GFPT1: variants seen among roughly 807,000 people sequenced by gnomAD.
GFPT1 encodes the protein glutamine--fructose-6-phosphate transaminase 1.
A neutral mutation model predicts 92.0 loss-of-function variants in GFPT1; 40 were observed. That is an observed-to-expected ratio of 0.43 (90% CI 0.34 to 0.57). The LOEUF is 0.57. Among genes scored for constraint, GFPT1 ranks in the 20% least tolerant of loss-of-function variants. The pLI is 0.02. For missense variants in GFPT1, 448 were observed against 869.1 expected (o/e 0.52, Z 6.09); for synonymous variants, 269 against 280.6 (o/e 0.96, Z 0.41).
chr2:69,377,573 T>C (rs974997553), intron 1 of GFPT1, among the ~76,000 whole-genome samples: 2 of 151,068 alleles, frequency 1.3e-5, no homozygotes, highest in Non-Finnish European at 2.9e-5. Context: ...GGCACGAGAA[T>C]AGCTTGAACC....
rs1670408110 is a variant in GFPT1 at position 69,321,781 on chromosome 2, GCAAA to G, written c.*4404_*4407del. 3 of 152,286 alleles carry G rather than the reference GCAAA, an allele frequency of 2.0e-5. No homozygotes were observed. Among genetic ancestry groups the G allele is most frequent in the African/African-American group, 4.8e-5 (2 of 41,564 alleles). 9.4% of individuals were successfully genotyped at this position (152,286 alleles called of 1,614,324 possible). A position where few individuals can be genotyped will look rare whatever the true frequency, so the allele number is the denominator to read the frequency against. ...ACAGGATCATTTCTACATTCATTCT[GCAAA>G]CAGTGTAGTAAGAAAGGTAATTTGA... On this transcript the variant is annotated 3_prime_UTR_variant, in exon 20 of 20. Coordinates refer to ENST00000357308, the MANE Select transcript of GFPT1 (RefSeq NM_001244710.2).
Position 69,370,126 on chromosome 2 carries a change from A to T in GFPT1, c.116-18T>A. On this transcript the variant is annotated intron_variant, in intron 2 of 19. Coordinates refer to ENST00000357308, the MANE Select transcript of GFPT1 (RefSeq NM_001244710.2). ...TCCCACACCTAAACCATCATGAGGT[A>T]AAAAAGCAAAATTTAGAAACTGGCT... The T allele has an allele frequency of 6.8e-7, 1 of 1,479,738 alleles. No homozygotes were observed. Among genetic ancestry groups the T allele is most frequent in the Non-Finnish European group, 9.5e-7 (1 of 1,057,450 alleles). 91.7% of individuals were successfully genotyped at this position (1,479,738 alleles called of 1,614,324 possible).
chr2:69,335,228 A>G (rs1053234721), intron 15 of GFPT1, among the ~76,000 whole-genome samples: 2 of 151,980 alleles, frequency 1.3e-5, no homozygotes, highest in Admixed American at 1.3e-4. Flanking sequence ...GCTGGTCTTG[A>G]ACTCTTAGCC....
At chr2:69,377,338 T>C (rs994532021) in intron 1 of GFPT1, among the ~76,000 whole-genome samples, 7 of 151,858 alleles carry the variant, frequency 4.6e-5, no homozygotes, top group Non-Finnish European at 8.8e-5. Flanking sequence ...AATGGCTCAC[T>C]ATATGAATCT....
chr2:69,341,970 T>A (rs1035482916), intron 13 of GFPT1, among the ~76,000 whole-genome samples, 182 bp downstream of exon 13: 1 of 152,212 alleles, frequency 6.6e-6, no homozygotes, highest in African/African-American at 2.4e-5. Flanking sequence ...CTACAGATCT[T>A]CCATGGATAA....
intron 13 of GFPT1, 60 bp downstream of exon 13, chr2:69,342,092 T>C (rs1670967053): frequency 1.1e-6 from 1 of 869,594 alleles, no homozygotes; most frequent in South Asian, 1.4e-5. Context: ...ATTAGACTAC[T>C]ACTTGGTCTA....
intron 13 of GFPT1, among the ~76,000 whole-genome samples, chr2:69,341,420 T>C (rs1031811373): frequency 2.0e-5 from 3 of 152,168 alleles, no homozygotes; most frequent in Non-Finnish European, 4.4e-5. Flanking sequence ...ACTCACTGCT[T>C]AAATAAATGG....
In GFPT1 at chr2:69,342,139, A is replaced by T; in HGVS notation, c.1203+13T>A. The T allele has an allele frequency of 6.7e-7, 1 of 1,488,230 alleles. No homozygotes were observed. The highest frequency in any genetic ancestry group is 1.7e-4 in the Middle Eastern group (1 of 5,768). The allele number at this position is 1,488,230 out of a possible 1,614,324, so 92.2% of individuals were successfully genotyped here. ...TAATATTCAACATAATTAAAATTTT[A>T]AAAAGCACTTACTGCTACACCAGCA... On this transcript the variant is annotated intron_variant, in intron 13 of 19. Transcript: ENST00000357308.
intron 3 of GFPT1, among the ~76,000 whole-genome samples, chr2:69,369,679 A>G (rs545295118): frequency 1.3e-5 from 2 of 152,368 alleles, no homozygotes; most frequent in Non-Finnish European, 2.9e-5. Flanking sequence ...ATCACTAAAA[A>G]TACCTTTTGT....
intron 1 of GFPT1, among the ~76,000 whole-genome samples, chr2:69,385,559 A>G (rs1672111786): frequency 6.6e-6 from 1 of 151,566 alleles, no homozygotes; most frequent in African/African-American, 2.4e-5. Flanking sequence ...TTTTTCAGTA[A>G]GTACTTTGAC....
In GFPT1 at chr2:69,329,756, T is replaced by C. The variant is rs1343054337; in HGVS notation, c.1525A>G (p.Met509Val). 6.2e-7 allele frequency: 1 copy of C among 1,612,838 alleles called. No individual in the cohort carries two copies. Among genetic ancestry groups the C allele is most frequent in the Non-Finnish European group, 8.5e-7 (1 of 1,178,972 alleles). Reference sequence around the variant, plus strand: ...ATGGAGATCCGATCATCACACATCATAAGGGCAAACATCACAAGGGATACA... The same window carrying C: ...ATGGAGATCCGATCATCACACATCACAAGGGCAAACATCACAAGGGATACA... ...QFVSLVMFALMMCDDRISMQE... is the reference protein window; with the variant it reads ...QFVSLVMFALVMCDDRISMQE... The change falls in exon 16 of 20, where the codon ATG becomes GTG. Residue 509 changes from methionine to valine, a missense_variant. By Grantham distance (21) the Met-to-Val change is conservative (BLOSUM62 1). Around this residue, in one of 7 missense-constraint regions of GFPT1, gnomAD observed 73 missense variants for 103.5 expected, o/e 0.71. Coordinates refer to ENST00000357308, the MANE Select transcript of GFPT1 (RefSeq NM_001244710.2).
At chr2:69,342,031 CA>C in intron 13 of GFPT1, 120 bp downstream of exon 13, 1 of 605,898 alleles carries the variant, frequency 1.7e-6, no homozygotes, top group Non-Finnish European at 2.8e-6. Context: ...TTTTTTATCA[CA>C]AAAGGGAAAA....
intron 12 of GFPT1, among the ~76,000 whole-genome samples, chr2:69,343,153 T>C (rs927565963): frequency 2.0e-5 from 3 of 152,220 alleles, no homozygotes; most frequent in Admixed American, 6.5e-5. Context: ...TCCATGTGTC[T>C]TGTCCAGAAA....
At chr2:69,331,313 C>T (rs1670657789) in intron 15 of GFPT1, among the ~76,000 whole-genome samples, 1 of 152,050 alleles carries the variant, frequency 6.6e-6, no homozygotes, top group Non-Finnish European at 1.5e-5. Context: ...TTGTTCCTCA[C>T]CTGTTTTTCA....
intron 3 of GFPT1, among the ~76,000 whole-genome samples, chr2:69,368,381 TA>T (rs948676001): frequency 6.6e-6 from 1 of 150,390 alleles, no homozygotes; most frequent in Non-Finnish European, 1.5e-5. Flanking sequence ...GAGTCCATCT[TA>T]AAAAAAAATT....
intron 13 of GFPT1, among the ~76,000 whole-genome samples, chr2:69,341,192 A>T (rs1468510676): frequency 6.6e-6 from 1 of 151,838 alleles, no homozygotes; most frequent in Non-Finnish European, 1.5e-5. Context: ...GGGTCAACTG[A>T]TCCTCCCACT....
chr2:69,361,023 C>T (rs899993139), intron 4 of GFPT1, among the ~76,000 whole-genome samples: 1 of 152,112 alleles, frequency 6.6e-6, no homozygotes, highest in Admixed American at 6.5e-5. Flanking sequence ...GCATGAGTCA[C>T]CACACCCGGC....
chr2:69,332,071 T>C (rs1021629352), intron 15 of GFPT1, among the ~76,000 whole-genome samples: 3 of 152,138 alleles, frequency 2.0e-5, no homozygotes, highest in African/African-American at 7.2e-5. Context: ...TTTTATTTTT[T>C]TAACATTTTC....
At chr2:69,346,091 TA>T in intron 11 of GFPT1, 92 bp from the exon 12 acceptor site, 1 of 766,426 alleles carries the variant, frequency 1.3e-6, no homozygotes, top group Admixed American at 2.0e-5. Context: ...ATAATCTTGG[TA>T]AATAAAATAT....
Sources: allele counts gnomAD v4.1 joint callset (sites outside exome capture counted in the v4.1 genomes callset), GRCh38; gene constraint gnomAD v4.1.1; regional missense constraint gnomAD v4.1.1; transcripts MANE v1.5; gene names NCBI Gene and HGNC (gene_info 2026-07-23, HGNC 2026-07-21).